The following RBFOX1 variants were observed in gnomAD, a reference collection of about 807,000 sequenced individuals.
RBFOX1 encodes the protein RNA binding protein fox-1 homolog 1.
In RBFOX1, 8 loss-of-function variants were observed where a neutral mutation model predicts 57.7. That is an observed-to-expected ratio of 0.14 (90% CI 0.08 to 0.25). The LOEUF is 0.25. Ranked by LOEUF, RBFOX1 falls within the 10% of genes least tolerant of loss-of-function variation. RBFOX1 has a pLI of 1.00. For missense variants in RBFOX1, 611 were observed against 548.5 expected, an observed-to-expected ratio of 1.11 and a Z score of -1.14; for synonymous variants, 326 against 222.4, an observed-to-expected ratio of 1.47 and a Z score of -4.15.
chr16:5,372,906 G>A (rs914467971), intron 1 of RBFOX1, among the ~76,000 whole-genome samples: 2 of 152,368 alleles, frequency 1.3e-5, no homozygotes, highest in Admixed American at 6.5e-5. Flanking sequence ...CATGACTTCA[G>A]CTTCTCTTGG....
At chr16:6,677,686 C>T (rs1275706456) in intron 3 of RBFOX1, among the ~76,000 whole-genome samples, 1 of 152,136 alleles carries the variant, frequency 6.6e-6, no homozygotes, top group Non-Finnish European at 1.5e-5. Flanking sequence ...ACGGCTGTAT[C>T]CATAGACATG....
chr16:7,046,694 C>G (rs1396973004), intron 3 of RBFOX1, among the ~76,000 whole-genome samples: 2 of 147,662 alleles, frequency 1.4e-5, no homozygotes, highest in Non-Finnish European at 3.0e-5. Context: ...CAACCTCCGT[C>G]TCCTGGGTTC....
chr16:6,935,346 A>G (rs1227932896), intron 3 of RBFOX1, among the ~76,000 whole-genome samples: 1 of 152,142 alleles, frequency 6.6e-6, no homozygotes, highest in Admixed American at 6.6e-5. Flanking sequence ...GTAGAGCCTC[A>G]TCTCCCTCCC....
intron 4 of RBFOX1, among the ~76,000 whole-genome samples, chr16:7,361,008 A>T (rs1176675143): frequency 6.6e-6 from 1 of 152,178 alleles, no homozygotes; most frequent in African/African-American, 2.4e-5. Flanking sequence ...AGAAAGAATG[A>T]ATGGGAATCA....
At chr16:6,255,414 C>T (rs1338681625) in intron 1 of RBFOX1, among the ~76,000 whole-genome samples, 1 of 152,014 alleles carries the variant, frequency 6.6e-6, no homozygotes, top group East Asian at 1.9e-4. Flanking sequence ...GGGCACAGGA[C>T]AGGAGGAGAG....
At chr16:7,496,690 A>ACTT (rs1433674348) in intron 4 of RBFOX1, among the ~76,000 whole-genome samples, 1 of 52,420 alleles carries the variant, frequency 1.9e-5, no homozygotes, top group Non-Finnish European at 4.1e-5. Context: ...CTTAACAAAG[A>ACTT]CTTTTTTTTT....
intron 5 of RBFOX1, among the ~76,000 whole-genome samples, chr16:7,527,027 C>T (rs1321070861): frequency 6.6e-6 from 1 of 152,220 alleles, no homozygotes; most frequent in Non-Finnish European, 1.5e-5. Context: ...AGACCCAAGC[C>T]TGTGCAACAT....
chr16:5,700,149 A>G (rs1328353672), intron 3 of RBFOX1, among the ~76,000 whole-genome samples: 1 of 152,174 alleles, frequency 6.6e-6, no homozygotes, highest in East Asian at 1.9e-4. Context: ...TGGTTTTATT[A>G]ACTGAAATTT....
In RBFOX1 at chr16:7,186,563, A is replaced by G. The variant is rs528572156; in HGVS notation, c.27+134465A>G. Among the ~76,000 whole-genome samples, 952 of 117,736 alleles carry G rather than the reference A, an allele frequency of 8.1e-3. 26 individuals are homozygous for G. The highest frequency in any genetic ancestry group is 0.011 in the Non-Finnish European group (648 of 57,360). 77.2% of individuals were successfully genotyped at this position (117,736 alleles called of 152,430 possible). A position where few individuals can be genotyped will look rare whatever the true frequency, so the allele number is the denominator to read the frequency against. ...ACATATTTATATAAATATAAGCTTA[A>G]ACATATTTATATAAATATAAGCTTA... On this transcript the variant is annotated intron_variant, in intron 4 of 15. Transcript: ENST00000550418.
intron 4 of RBFOX1, among the ~76,000 whole-genome samples, chr16:7,342,265 T>C (rs899006934): frequency 6.6e-5 from 10 of 152,152 alleles, no homozygotes; most frequent in African/African-American, 2.4e-4. Flanking sequence ...CTTTGCAGTG[T>C]AGTCATGGTG....
chr16:6,820,137 C>T (rs1567398995), intron 3 of RBFOX1, among the ~76,000 whole-genome samples: 1 of 152,162 alleles, frequency 6.6e-6, no homozygotes, highest in African/African-American at 2.4e-5. Context: ...AAAGGACACA[C>T]TGTCTCTTGC....
Position 6,281,238 on chromosome 16 carries a change from C to T in RBFOX1, c.-126-35757C>T, listed in dbSNP as rs189274511. Among the ~76,000 whole-genome samples the T allele has an allele frequency of 1.4e-4, 21 of 152,106 alleles. No individual in the cohort carries two copies. The East Asian group carries it at 4.1e-3, about 30-fold the overall frequency. ...CCATGCCCGGTGCTAGGACAAGCACCTTGCAGATGTGATCCCACGGAATTG... is the reference window on the plus strand; with the variant it reads ...CCATGCCCGGTGCTAGGACAAGCACTTTGCAGATGTGATCCCACGGAATTG... On this transcript the variant is annotated intron_variant, in intron 1 of 15. Coordinates refer to ENST00000550418, the MANE Select transcript of RBFOX1 (RefSeq NM_018723.4).
chr16:7,515,871 A>C (rs541212532), intron 4 of RBFOX1, among the ~76,000 whole-genome samples: 1 of 151,848 alleles, frequency 6.6e-6, no homozygotes, highest in Admixed American at 6.6e-5. Context: ...TTGAGACGGA[A>C]TCTTGCTCTG....
chr16:6,483,922 A>C, intron 2 of RBFOX1: 1 of 1,083,264 alleles, frequency 9.2e-7, no homozygotes, highest in Non-Finnish European at 1.1e-6. Context: ...GCGGTATGTA[A>C]GCCGAGCTCC....
At chr16:5,883,726 A>G (rs975093859) in intron 4 of RBFOX1, among the ~76,000 whole-genome samples, 24 of 152,176 alleles carry the variant, frequency 1.6e-4, no homozygotes, top group Non-Finnish European at 3.1e-4. Context: ...GCAGCTAAGC[A>G]GTGATTTTTT....
At chr16:7,002,878 G>A (rs1048837827) in intron 3 of RBFOX1, among the ~76,000 whole-genome samples, 1 of 152,164 alleles carries the variant, frequency 6.6e-6, no homozygotes, top group Non-Finnish European at 1.5e-5. Flanking sequence ...CACTCAGCGT[G>A]TTAAGATAAG....
intron 10 of RBFOX1, among the ~76,000 whole-genome samples, chr16:7,626,947 G>A (rs962158866): frequency 6.6e-6 from 1 of 152,080 alleles, no homozygotes; most frequent in Non-Finnish European, 1.5e-5. Flanking sequence ...TAGTTCAGAC[G>A]ACCAATGTCT....
At chr16:6,900,627 C>T (rs978632303) in intron 3 of RBFOX1, among the ~76,000 whole-genome samples, 8 of 152,120 alleles carry the variant, frequency 5.3e-5, no homozygotes, top group East Asian at 1.9e-4. Context: ...GATGCTATTC[C>T]CTCTGCCTGG....
chr16:6,913,817 T>C (rs2072368412), intron 3 of RBFOX1, among the ~76,000 whole-genome samples: 1 of 152,158 alleles, frequency 6.6e-6, no homozygotes, highest in Admixed American at 6.5e-5. Context: ...CATGCTAAAC[T>C]ACTTCCCAGC....
Sources: allele counts gnomAD v4.1 joint callset (sites outside exome capture counted in the v4.1 genomes callset), GRCh38; gene constraint gnomAD v4.1.1; transcripts MANE v1.5; gene names NCBI Gene and HGNC (gene_info 2026-07-23, HGNC 2026-07-21).